The following CFH variants were observed in gnomAD, a reference collection of about 807,000 sequenced individuals.
CFH encodes the protein H factor 1 (complement).
A neutral mutation model predicts 147.3 loss-of-function variants in CFH; 53 were observed. The ratio of observed to expected loss-of-function variants is 0.36; its 90% confidence interval spans 0.29 to 0.45. The LOEUF (loss-of-function observed/expected upper bound fraction) is 0.45, where lower values mean the gene tolerates loss of function less well. Among genes scored for constraint, CFH ranks in the 20% least tolerant of loss-of-function variants. The probability of loss-of-function intolerance (pLI) is 1.00; values close to 1 mark genes in which losing one functional copy is unlikely to be tolerated. For synonymous variants in CFH, 536 were observed against 489.4 expected, an observed-to-expected ratio of 1.10 and a Z score of -1.26; for missense variants, 1,380 against 1,498.0, an observed-to-expected ratio of 0.92 and a Z score of 1.30.
rs747004756 is a variant in CFH, at chr1:196,743,556, C to T, written c.3238C>T (p.Pro1080Ser). 7 of 1,613,814 alleles carry T rather than the reference C, an allele frequency of 4.3e-6. No individual in the cohort carries two copies. ...GERVRYQCRSPYEMFGDEEVM... is the reference protein window; with the variant it reads ...GERVRYQCRSSYEMFGDEEVM... ...GAGAGTACGTTATCAATGTAGGAGC[C>T]CTTATGAAATGTTTGGGGATGAAGA... Residue 1080 changes from proline to serine, a missense_variant, in exon 20 of 22, where the codon CCT (proline) becomes TCT (serine). Pro to Ser is a moderately conservative substitution (Grantham distance 74). Coordinates refer to ENST00000367429, the MANE Select transcript of CFH (RefSeq NM_000186.4).
At chr1:196,708,387 G>A (rs1180365021) in intron 9 of CFH, among the ~76,000 whole-genome samples, 1 of 152,106 alleles carries the variant, frequency 6.6e-6, no homozygotes, top group Non-Finnish European at 1.5e-5. Context: ...ACCACCCCAT[G>A]TGTCAATCTC....
chr1:196,676,786 GGAA>G (rs1667472694), intron 4 of CFH, among the ~76,000 whole-genome samples: 2 of 152,026 alleles, frequency 1.3e-5, no homozygotes, highest in African/African-American at 2.4e-5. Context: ...GAAAATTGGA[GGAA>G]GAAGATTAAT....
chr1:196,692,423 T>C, intron 9 of CFH: 1 of 805,128 alleles, frequency 1.2e-6, no homozygotes, highest in Non-Finnish European at 1.5e-6. Context: ...CAATTTCTCC[T>C]GATATCAAAC....
At chr1:196,664,854 G>T (rs746222254) in intron 1 of CFH, among the ~76,000 whole-genome samples, 2 of 151,854 alleles carry the variant, frequency 1.3e-5, no homozygotes, top group Admixed American at 1.3e-4. Context: ...ATTATTATTT[G>T]TTACTTTTAA....
intron 9 of CFH, among the ~76,000 whole-genome samples, chr1:196,713,294 C>G (rs1356708370): frequency 1.3e-5 from 2 of 152,090 alleles, no homozygotes; most frequent in Non-Finnish European, 2.9e-5. Context: ...GAGCCAAAGG[C>G]TATGAAAATT....
At chr1:196,740,248 C>A (rs1474694876) in intron 17 of CFH, among the ~76,000 whole-genome samples, 3 of 152,150 alleles carry the variant, frequency 2.0e-5, no homozygotes, top group African/African-American at 4.8e-5. Context: ...TTTAAAACTT[C>A]TTTTACATTC....
At chr1:196,664,665 C>T (rs1667018472) in intron 1 of CFH, among the ~76,000 whole-genome samples, 1 of 152,146 alleles carries the variant, frequency 6.6e-6, no homozygotes, top group South Asian at 2.1e-4. Context: ...AAAATATATA[C>T]TGACTTTCCT....
rs35507625 is a variant in CFH at position 196,673,839 on chromosome 1, C to CTT, written c.245-10_245-9dup. 0.23 allele frequency: 337,052 copies of CTT among 1,480,524 alleles called. 29,687 individuals carry two copies. Among genetic ancestry groups the CTT allele is most frequent in the East Asian group, 0.44 (18,628 of 42,622 alleles). The allele number at this position is 1,480,524 out of a possible 1,614,324, so 91.7% of individuals were successfully genotyped here. A position where few individuals can be genotyped will look rare whatever the true frequency, so the allele number is the denominator to read the frequency against. On this transcript the variant is annotated splice_polypyrimidine_tract_variant and intron_variant, in intron 2 of 21. Coordinates refer to ENST00000367429, the MANE Select transcript of CFH (RefSeq NM_000186.4). The stretch of plus-strand genomic sequence containing the variant: ...CTTGCTATTACATACTAATTCATAA[C>CTT]TTTTTTTTTCGTTTTAGAAAGGCCC...
At chr1:196,672,448 T>C (rs976670018) in intron 1 of CFH, among the ~76,000 whole-genome samples, 1 of 152,218 alleles carries the variant, frequency 6.6e-6, no homozygotes, top group African/African-American at 2.4e-5. Flanking sequence ...TTGGAGTGCC[T>C]GTATAATTCT....
intron 9 of CFH, among the ~76,000 whole-genome samples, chr1:196,699,068 C>G (rs1290924137): frequency 6.6e-6 from 1 of 152,040 alleles, no homozygotes; most frequent in African/African-American, 2.4e-5. Flanking sequence ...ATTATAAGAG[C>G]TATTTTTTAA....
Position 196,747,334 on chromosome 1 carries a change from C to G in CFH, c.*21C>G, listed in dbSNP as rs763717279. On this transcript the variant is annotated 3_prime_UTR_variant, in exon 22 of 22. Transcript: ENST00000367429. Reference sequence around the variant, plus strand: ...GATAGAATCAATCATAAAGTGCACACCTTTATTCAGAACTTTAGTATTAAA... The same window carrying G: ...GATAGAATCAATCATAAAGTGCACAGCTTTATTCAGAACTTTAGTATTAAA... The G allele has an allele frequency of 1.2e-6, 2 of 1,613,602 alleles. No individual in the cohort carries two copies. The highest frequency in any genetic ancestry group is 1.3e-5 in the African/African-American group (1 of 74,900).
intron 9 of CFH, among the ~76,000 whole-genome samples, chr1:196,693,708 G>T (rs1279116165): frequency 3.9e-5 from 6 of 152,036 alleles, no homozygotes; most frequent in Non-Finnish European, 8.8e-5. Flanking sequence ...TCAGGCTCTG[G>T]GGAGAATGGG....
Position 196,679,840 on chromosome 1 carries a change from TTTAA to T in CFH, c.790+54_790+57del, listed in dbSNP as rs549764276. On this transcript the variant is annotated intron_variant, in intron 6 of 21. Coordinates refer to ENST00000367429, the MANE Select transcript of CFH (RefSeq NM_000186.4). ...GGATCTTTATAAATTTATCACATATTTTAATTAATTCTTTTAATAAATCCACTTA... is the reference window on the plus strand; with the variant it reads ...GGATCTTTATAAATTTATCACATATTTTAATTCTTTTAATAAATCCACTTA... The T allele has an allele frequency of 6.9e-4, 1,025 of 1,488,622 alleles. 8 individuals carry two copies. The African/African-American group carries it at 0.012, about 18-fold the overall frequency. 92.2% of individuals were successfully genotyped at this position (1,488,622 alleles called of 1,614,324 possible).
chr1:196,710,060 A>G (rs1014897983), intron 9 of CFH, among the ~76,000 whole-genome samples: 2 of 151,980 alleles, frequency 1.3e-5, no homozygotes, highest in African/African-American at 4.8e-5. Context: ...AGACACACAG[A>G]CACACACATC....
At position 196,677,459 on chromosome 1, in the gene CFH, A is replaced by G. The variant is rs1667493781; in HGVS notation, c.428-17A>G. 3 of 1,607,094 alleles carry G rather than the reference A, an allele frequency of 1.9e-6. No individual in the cohort carries two copies. Among genetic ancestry groups the G allele is most frequent in the African/African-American group, 2.7e-5 (2 of 74,718 alleles). ...TTTTAAAATTCCATTAGAAAACATT[A>G]CATGTATTTTCTTCAGTTGTGAAGT... On this transcript the variant is annotated splice_polypyrimidine_tract_variant and intron_variant, in intron 4 of 21. Transcript: ENST00000367429.
intron 1 of CFH, among the ~76,000 whole-genome samples, chr1:196,668,522 T>C (rs1667172931): frequency 6.6e-6 from 1 of 152,110 alleles, no homozygotes; most frequent in Non-Finnish European, 1.5e-5. Flanking sequence ...AATTATAATC[T>C]CCATAATCAT....
Position 196,690,247 on chromosome 1 carries a change from C to T in CFH, c.1336+8C>T, listed in dbSNP as rs1177960520. ...CCAGATGCATCCGTGTCAGTAAGTA[C>T]ACTACTCTGAAATCCTAGCATGTTC... On this transcript the variant is annotated splice_region_variant and intron_variant, in intron 9 of 21. Coordinates refer to ENST00000367429, the MANE Select transcript of CFH (RefSeq NM_000186.4). 1 of 1,612,896 alleles carries T rather than the reference C, an allele frequency of 6.2e-7. No homozygotes were observed. The highest frequency in any genetic ancestry group is 1.7e-5 in the Admixed American group (1 of 59,882).
chr1:196,697,246 A>C (rs367819830), intron 9 of CFH, among the ~76,000 whole-genome samples: 1 of 152,182 alleles, frequency 6.6e-6, no homozygotes, highest in Non-Finnish European at 1.5e-5. Flanking sequence ...AAATTTTTGC[A>C]ATCTACTCAT....
At chr1:196,672,850 G>GAA (rs1667328904) in intron 1 of CFH, 128 bp from the exon 2 acceptor site, 5 of 693,718 alleles carry the variant, frequency 7.2e-6, no homozygotes, top group Non-Finnish European at 9.8e-6. Context: ...TTAGGAGAGA[G>GAA]AGAGAGAGAG....
Sources: allele counts gnomAD v4.1 joint callset (sites outside exome capture counted in the v4.1 genomes callset), GRCh38; gene constraint gnomAD v4.1.1; transcripts MANE v1.5; gene names NCBI Gene and HGNC (gene_info 2026-07-23, HGNC 2026-07-21).